The following BDP1 variants were observed in gnomAD, a reference collection of about 807,000 sequenced individuals.
BDP1 encodes BDP1 general transcription factor IIIB subunit, also known as transcription factor TFIIIB component B'' homolog.
A neutral mutation model predicts 266.6 loss-of-function variants in BDP1; 169 were observed. That is an observed-to-expected ratio of 0.63 (90% CI 0.56 to 0.72). The LOEUF is 0.72. BDP1 is among the 30% of genes least tolerant of loss of function. The pLI, the probability that BDP1 is intolerant of heterozygous loss-of-function variation, is 0.00. For missense variants in BDP1, 3,015 were observed against 3,053.8 expected, an observed-to-expected ratio of 0.99 and a Z score of 0.30; for synonymous variants, 1,090 against 1,022.4, an observed-to-expected ratio of 1.07 and a Z score of -1.26.
At chr5:71,546,830 C>T (rs376920516) in intron 32 of BDP1, among the ~76,000 whole-genome samples, 1 of 142,628 alleles carries the variant, frequency 7.0e-6, no homozygotes, top group African/African-American at 2.6e-5. Context: ...CCCTAGTTGT[C>T]CCAATCATGT....
chr5:71,476,986 G>A lies in BDP1; in HGVS notation c.1014+6497G>A, dbSNP rs62372759. Among the ~76,000 whole-genome samples, 1,417 of 151,902 alleles carry A rather than the reference G, an allele frequency of 9.3e-3. 8 individuals carry two copies. Among genetic ancestry groups the A allele is most frequent in the Non-Finnish European group, 0.015 (1,038 of 67,958 alleles). On this transcript the variant is annotated intron_variant, in intron 7 of 38. Coordinates refer to ENST00000358731, the MANE Select transcript of BDP1 (RefSeq NM_018429.3). Reference sequence around the variant, plus strand: ...CCAAAGTGCTGGGAATTACAGGCGTGAGCCATCGTGCCCGGCCCCCCCACC... The same window carrying A: ...CCAAAGTGCTGGGAATTACAGGCGTAAGCCATCGTGCCCGGCCCCCCCACC...
At chr5:71,468,972 A>G (rs896221459) in intron 6 of BDP1, among the ~76,000 whole-genome samples, 32 of 152,194 alleles carry the variant, frequency 2.1e-4, no homozygotes, top group African/African-American at 7.2e-4. Context: ...TAAAGCTTCT[A>G]TAGATAAATA....
rs1309815931 is a variant in BDP1 at position 71,566,736 on chromosome 5, G to A, written c.*1851G>A. ...GCCCCAAATTTTCTTACCCTGAGGT[G>A]CTGATATCTGTATGGATGAGTTATT... On this transcript the variant is annotated 3_prime_UTR_variant, in exon 39 of 39. Transcript: ENST00000358731. The A allele has an allele frequency of 6.6e-6, 1 of 152,202 alleles. No homozygotes were observed. The highest frequency in any genetic ancestry group is 2.4e-5 in the African/African-American group (1 of 41,432). The allele number at this position is 152,202 out of a possible 1,614,324, so 9.4% of individuals were successfully genotyped here. A position where few individuals can be genotyped will look rare whatever the true frequency, so the allele number is the denominator to read the frequency against.
chr5:71,561,801 G>C (rs548799723), intron 37 of BDP1, among the ~76,000 whole-genome samples: 1 of 152,142 alleles, frequency 6.6e-6, no homozygotes, highest in Non-Finnish European at 1.5e-5. Context: ...CCAACTGTGC[G>C]AATCTTCATT....
chr5:71,526,115 C>T (rs968824330), intron 25 of BDP1, among the ~76,000 whole-genome samples: 6 of 152,292 alleles, frequency 3.9e-5, no homozygotes, highest in African/African-American at 7.2e-5. Flanking sequence ...TGTAGCGAGC[C>T]GAGATCACGC....
Position 71,524,059 on chromosome 5 carries a change from C to A in BDP1, c.5508C>A (p.Phe1836Leu), listed in dbSNP as rs772321496. The change falls in exon 25 of 39, where the codon TTC becomes TTA. Residue 1836 changes from phenylalanine (F) to leucine (L), a missense_variant. Around this residue, in one of 3 missense-constraint regions of BDP1, gnomAD observed 2,383 missense variants for 2,404.9 expected, o/e 0.99. Coordinates refer to ENST00000358731, the MANE Select transcript of BDP1 (RefSeq NM_018429.3). ...NRGERRSHKK[F>L]KPNVTRGRGS... ...GTGAAAGGAGAAGTCATAAAAAGTT[C>A]AAACCAAATGTCACCAGAGGTCGTG... The A allele has an allele frequency of 6.2e-7, 1 of 1,614,042 alleles. No homozygotes were observed. Among genetic ancestry groups the A allele is most frequent in the Admixed American group, 1.7e-5 (1 of 59,996 alleles).
intron 12 of BDP1, 80 bp downstream of exon 12, chr5:71,495,488 G>T (rs1561706558): frequency 1.2e-6 from 1 of 847,520 alleles, no homozygotes; most frequent in Admixed American, 2.7e-5. Flanking sequence ...TTCATTTAGG[G>T]ATTCGAGGGG....
intron 19 of BDP1, among the ~76,000 whole-genome samples, chr5:71,513,951 C>T (rs1209695332): frequency 6.6e-6 from 1 of 151,924 alleles, no homozygotes; most frequent in Non-Finnish European, 1.5e-5. Flanking sequence ...TCTCGAACTC[C>T]TAACCTCGTG....
intron 25 of BDP1, among the ~76,000 whole-genome samples, chr5:71,524,708 A>G (rs1420585944): frequency 2.7e-5 from 4 of 149,000 alleles, no homozygotes; most frequent in Non-Finnish European, 4.5e-5. Context: ...GTCATAGGAC[A>G]ATAGTGGAGG....
intron 6 of BDP1, among the ~76,000 whole-genome samples, chr5:71,469,776 G>T (rs936736788): frequency 2.0e-5 from 3 of 150,714 alleles, no homozygotes; most frequent in African/African-American, 7.3e-5. Context: ...ACCACGCCCA[G>T]CTCATTTTTT....
intron 26 of BDP1, among the ~76,000 whole-genome samples, chr5:71,535,374 T>C (rs1766530947): frequency 6.6e-6 from 1 of 151,994 alleles, no homozygotes; most frequent in Admixed American, 6.6e-5. Context: ...CCAACTAATT[T>C]TTGTATTTTT....
intron 12 of BDP1, among the ~76,000 whole-genome samples, chr5:71,496,531 A>G (rs1763904435): frequency 6.8e-6 from 1 of 147,458 alleles, no homozygotes. Context: ...TCAACCTCCC[A>G]GGCTTAGGTG....
chr5:71,489,984 A>T (rs923834826), intron 10 of BDP1, among the ~76,000 whole-genome samples: 2 of 152,206 alleles, frequency 1.3e-5, no homozygotes, highest in Non-Finnish European at 2.9e-5. Context: ...GTATGTTGCT[A>T]TGTCTGTCAA....
chr5:71,456,186 C>G (rs1451552078), intron 1 of BDP1, 97 bp downstream of exon 1: 11 of 1,214,356 alleles, frequency 9.1e-6, no homozygotes, highest in African/African-American at 1.5e-5. Flanking sequence ...GGAGTCCGCT[C>G]TCGTTTGCAG....
At chr5:71,542,897 C>T (rs1767061231) in intron 30 of BDP1, among the ~76,000 whole-genome samples, 1 of 151,472 alleles carries the variant, frequency 6.6e-6, no homozygotes, top group African/African-American at 2.4e-5. Context: ...TCTGTTTTTT[C>T]AACTCATGTC....
chr5:71,543,968 G>A (rs954596851), intron 30 of BDP1, among the ~76,000 whole-genome samples: 11 of 152,004 alleles, frequency 7.2e-5, no homozygotes, highest in African/African-American at 1.9e-4. Flanking sequence ...TTTTTTCCCC[G>A]TTTGTGATAT....
At position 71,509,713 on chromosome 5, in the gene BDP1, T is replaced by A; in HGVS notation, c.2621T>A (p.Leu874Ter). ...EINTKEMQSD[L>*]KETGRRAISP... ...AATACTAAAGAAATGCAGTCAGATTTAAAAGAAACTGGAAGAAGAGCCATT... is the reference window on the plus strand; with the variant it reads ...AATACTAAAGAAATGCAGTCAGATTAAAAAGAAACTGGAAGAAGAGCCATT... Residue 874 changes from leucine to a stop codon, truncating the protein, a stop_gained, in exon 17 of 39, where the codon TTA (leucine) becomes TAA (stop). Coordinates refer to ENST00000358731, the MANE Select transcript of BDP1 (RefSeq NM_018429.3). LOFTEE classifies it high-confidence loss of function. The A allele has an allele frequency of 6.2e-7, 1 of 1,613,914 alleles. No individual in the cohort carries two copies. Among genetic ancestry groups the A allele is most frequent in the Non-Finnish European group, 8.5e-7 (1 of 1,179,978 alleles).
chr5:71,545,477 A>ATG, intron 32 of BDP1: 1 of 448,730 alleles, frequency 2.2e-6, no homozygotes, highest in Non-Finnish European at 3.9e-6. Flanking sequence ...GACTACAGGC[A>ATG]TGTGTCACCA....
intron 7 of BDP1, among the ~76,000 whole-genome samples, chr5:71,475,389 C>T (rs1198596123): frequency 6.6e-6 from 1 of 152,220 alleles, no homozygotes; most frequent in East Asian, 1.9e-4. Flanking sequence ...GGATTACAGG[C>T]ATGAGCCACT....
Sources: allele counts gnomAD v4.1 joint callset (sites outside exome capture counted in the v4.1 genomes callset), GRCh38; gene constraint gnomAD v4.1.1; regional missense constraint gnomAD v4.1.1; transcripts MANE v1.5; gene names NCBI Gene and HGNC (gene_info 2026-07-23, HGNC 2026-07-21).